Variants in WRAP73 observed in about 807,000 individuals in gnomAD.
WRAP73 encodes WD repeat containing, antisense to TP73.
A neutral mutation model predicts 59.6 loss-of-function variants in WRAP73; 55 were observed. The observed-to-expected ratio is 0.92, with a 90% confidence interval of 0.74 to 1.15. The LOEUF is 1.15. WRAP73 is among the 50% of genes most tolerant of loss of function. The pLI is 0.00. For synonymous variants in WRAP73, 265 were observed against 258.2 expected (o/e 1.03, Z -0.25); for missense variants, 592 against 608.1 (o/e 0.97, Z 0.28).
chr1:3,648,286 T>C (rs76134697), intron 1 of WRAP73, among the ~76,000 whole-genome samples: 1,539 of 152,288 alleles, frequency 0.01, 21 homozygotes, highest in Non-Finnish European at 0.018. Flanking sequence ...CTGCTGAATG[T>C]ATATTTTACT....
chr1:3,645,850 T>C (rs555418857), intron 3 of WRAP73, among the ~76,000 whole-genome samples: 136 of 152,034 alleles, frequency 8.9e-4, no homozygotes, highest in Middle Eastern at 3.4e-3. Context: ...CTACAGCAGG[T>C]GAATGGGCGG....
intron 10 of WRAP73, 169 bp downstream of exon 10, chr1:3,632,044 G>A (rs1570290512): frequency 6.7e-7 from 1 of 1,491,904 alleles, no homozygotes; most frequent in Non-Finnish European, 8.8e-7. Flanking sequence ...GCAGGACAAA[G>A]GCCCAGCGCC....
In WRAP73 at chr1:3,646,426, T is replaced by A. The variant is rs974886688; in HGVS notation, c.339+240A>T. On this transcript the variant is annotated intron_variant, in intron 3 of 11. Coordinates refer to ENST00000270708, the MANE Select transcript of WRAP73 (RefSeq NM_017818.4). This position sits in a 1 kb window ranked among gnomAD's most constrained non-coding sequence, Gnocchi z 5.1. Reference sequence around the variant, plus strand: ...CCTTGTTCTATACTATGATTGTTGCTAATCTCTTACTGTATCTAATTTATA... The same window carrying A: ...CCTTGTTCTATACTATGATTGTTGCAAATCTCTTACTGTATCTAATTTATA... 2.0e-5 allele frequency among the ~76,000 whole-genome samples: 3 copies of A among 152,252 alleles called. No individual in the cohort carries two copies. Among genetic ancestry groups the A allele is most frequent in the Non-Finnish European group, 4.4e-5 (3 of 68,042 alleles).
chr1:3,632,569 T>C (rs1349285122), intron 9 of WRAP73: 2 of 600,458 alleles, frequency 3.3e-6, no homozygotes, highest in Admixed American at 5.6e-5. Context: ...CAGGCCCGAC[T>C]AGGTGGGGGG....
intron 6 of WRAP73, 36 bp from the exon 7 acceptor site, chr1:3,635,330 C>T (rs747642119): frequency 1.7e-5 from 27 of 1,610,362 alleles, no homozygotes; most frequent in Non-Finnish European, 2.0e-5. Flanking sequence ...AATGAATACA[C>T]CCCCGTCGCC....
intron 1 of WRAP73, among the ~76,000 whole-genome samples, chr1:3,648,955 T>C (rs568872520): frequency 9.9e-5 from 15 of 152,244 alleles, no homozygotes; most frequent in African/African-American, 3.4e-4. Flanking sequence ...AGAGTTAAAC[T>C]CTCAAAAGCT....
intron 3 of WRAP73, among the ~76,000 whole-genome samples, chr1:3,641,109 A>G (rs1570305699): frequency 6.6e-6 from 1 of 152,350 alleles, no homozygotes; most frequent in South Asian, 2.1e-4. Flanking sequence ...TGACCACTGG[A>G]GAAGCCAGCG....
Position 3,635,278 on chromosome 1 carries a change from T to G in WRAP73, c.620A>C (p.Tyr207Ser). Reference protein sequence around the residue: ...DTCLEYKILLYSLDGRLLSTY... With the variant: ...DTCLEYKILLSSLDGRLLSTY... ...GGACAACAACCGGCCATCCAATGAGTACAGCAGAATCTTGTACTGCAGATG... is the reference window on the plus strand; with the variant it reads ...GGACAACAACCGGCCATCCAATGAGGACAGCAGAATCTTGTACTGCAGATG... Residue 207 changes from tyrosine (Y) to serine (S), a missense_variant, in exon 7 of 12, where the codon TAC (tyrosine) becomes TCC (serine). By Grantham distance (144) the Tyr-to-Ser change is moderately radical. Coordinates refer to ENST00000270708, the MANE Select transcript of WRAP73 (RefSeq NM_017818.4). 1.9e-6 allele frequency: 3 copies of G among 1,613,860 alleles called. No homozygotes were observed. Among genetic ancestry groups the G allele is most frequent in the Non-Finnish European group, 2.5e-6 (3 of 1,180,032 alleles).
At chr1:3,641,534 G>A (rs1644645553) in intron 3 of WRAP73, among the ~76,000 whole-genome samples, 1 of 152,240 alleles carries the variant, frequency 6.6e-6, no homozygotes, top group Admixed American at 6.5e-5. Context: ...GTGCAGATGG[G>A]ATTCCGAGTA....
In WRAP73 at chr1:3,631,645, T is replaced by G. The variant is rs761843222; in HGVS notation, c.1061A>C (p.Asn354Thr). ...FLATRNDNIP[N>T]AVWVWDIQKL... is the part of the protein sequence containing the mutation. Reference sequence around the variant, plus strand: ...CTGAATGTCCCAGACCCAGACGGCATTGGGAATGTTGTCTGAGGAAGGAAG... The same window carrying G: ...CTGAATGTCCCAGACCCAGACGGCAGTGGGAATGTTGTCTGAGGAAGGAAG... The change falls in exon 11 of 12, where the codon AAT becomes ACT. Residue 354 changes from asparagine (N) to threonine (T), a missense_variant. Coordinates refer to ENST00000270708, the MANE Select transcript of WRAP73 (RefSeq NM_017818.4). 1 of 1,593,332 alleles carries G rather than the reference T, an allele frequency of 6.3e-7. No individual in the cohort carries two copies. Among genetic ancestry groups the G allele is most frequent in the Non-Finnish European group, 8.5e-7 (1 of 1,174,566 alleles).
chr1:3,632,140 T>G (rs1002217043), intron 10 of WRAP73, 73 bp downstream of exon 10: 40 of 1,526,326 alleles, frequency 2.6e-5, no homozygotes, highest in Non-Finnish European at 3.4e-5. Flanking sequence ...CATTTTCTTT[T>G]CCAGTCGCTT....
In WRAP73 at chr1:3,633,435, C is replaced by A. The variant is rs77612789; in HGVS notation, c.885G>T (p.Arg295=). Residue 295 remains arginine (R), a synonymous_variant, in exon 9 of 12, where the codon CGG becomes CGT. Coordinates refer to ENST00000270708, the MANE Select transcript of WRAP73 (RefSeq NM_017818.4). ...AGCTCGGGAGAGGGCCGGCCCCGGC[C>A]CGGGGCGGCGGGAAGGAGAGGCAGC... ...GLGCLSFPPP[R]AGAGPLPSSE... is the part of the protein sequence containing the mutation. 1 of 1,612,202 alleles carries A rather than the reference C, an allele frequency of 6.2e-7. No individual in the cohort carries two copies.
chr1:3,646,756 C>A lies in WRAP73; in HGVS notation c.249G>T (p.Trp83Cys), dbSNP rs1229636673. Residue 83 changes from tryptophan to cysteine, a missense_variant, in exon 3 of 12, where the codon TGG becomes TGT. By Grantham distance (215) the Trp-to-Cys change is radical. Transcript: ENST00000270708. The surrounding 1 kb of genome is among the most constrained non-coding windows in gnomAD (Gnocchi z 5.1). ...CTGAGCCCTCGTCTATTTTGCAGTG[C>A]CATTCGGGCTGCTCTAAAGACCAGA... ...VQVWSLEQPEWHCKIDEGSAG... is the reference protein window; with the variant it reads ...VQVWSLEQPECHCKIDEGSAG... 1.9e-6 allele frequency: 3 copies of A among 1,612,342 alleles called. No homozygotes were observed. The highest frequency in any genetic ancestry group is 2.5e-6 in the Non-Finnish European group (3 of 1,179,140).
rs34086330 is a variant in WRAP73, at chr1:3,634,660, G to A, written c.816+337C>T. The A allele has an allele frequency of 5.6e-3, 1,903 of 342,226 alleles. 10 individuals carry two copies. The highest frequency in any genetic ancestry group is 7.9e-3 in the Non-Finnish European group (1,403 of 177,632). 21.2% of individuals were successfully genotyped at this position (342,226 alleles called of 1,614,324 possible). ...CCAGAGCACAGTGCCTGGCACGACA[G>A]CAGATGCCCAGTGTTTGGGGGCAGG... On this transcript the variant is annotated intron_variant, in intron 8 of 11. Transcript: ENST00000270708.
intron 3 of WRAP73, among the ~76,000 whole-genome samples, chr1:3,640,394 G>C (rs1644628070): frequency 6.6e-6 from 1 of 151,902 alleles, no homozygotes; most frequent in Non-Finnish European, 1.5e-5. Context: ...CTGAGCATCA[G>C]CAGGGCGGGG....
intron 9 of WRAP73, 90 bp from the exon 10 acceptor site, chr1:3,632,428 G>A (rs1644545789): frequency 5.6e-6 from 9 of 1,594,038 alleles, no homozygotes; most frequent in Admixed American, 3.3e-5. Flanking sequence ...ATCGGGCATC[G>A]CGAACCCAGC....
intron 1 of WRAP73, among the ~76,000 whole-genome samples, chr1:3,649,273 A>C (rs1039710361): frequency 4.6e-5 from 7 of 152,238 alleles, no homozygotes; most frequent in African/African-American, 1.7e-4. Context: ...CGAAGACCTC[A>C]AATCCCAGCC....
At position 3,639,779 on chromosome 1, in the gene WRAP73, G is replaced by A. The variant is rs562420306; in HGVS notation, c.340-957C>T. Among the ~76,000 whole-genome samples, 13 of 150,790 alleles carry A rather than the reference G, an allele frequency of 8.6e-5. No homozygotes were observed. The highest frequency in any genetic ancestry group is 3.4e-3 in the Middle Eastern group (1 of 292). On this transcript the variant is annotated intron_variant, in intron 3 of 11. Transcript: ENST00000270708. The surrounding 1 kb of genome is among the most constrained non-coding windows in gnomAD (Gnocchi z 4.3). ...GGGTGGGGTGCTGACTGCCAGCTCC[G>A]TGTGTGGGGACACAGGGCTGCGCAG...
intron 5 of WRAP73, 116 bp downstream of exon 5, chr1:3,636,879 A>G: frequency 9.1e-7 from 1 of 1,098,054 alleles, no homozygotes; most frequent in South Asian, 1.3e-5. Flanking sequence ...TTGTTAATAC[A>G]ACATCACCTT....
Sources: gnomAD v4.1 joint callset for allele counts (sites outside exome capture counted in the v4.1 genomes callset) on GRCh38, gnomAD v4.1.1 for gene constraint, Gnocchi (gnomAD v3.1) non-coding constraint, MANE v1.5 for transcripts, NCBI Gene and HGNC (gene_info 2026-07-23, HGNC 2026-07-21) for gene names.